KCNJ6: variants seen among roughly 807,000 people sequenced by gnomAD.
KCNJ6 encodes the protein G protein-activated inward rectifier potassium channel 2.
In KCNJ6, 9 loss-of-function variants were observed where a neutral mutation model predicts 34.2. The ratio of observed to expected loss-of-function variants is 0.26; its 90% confidence interval spans 0.16 to 0.46. KCNJ6 has a LOEUF of 0.46. KCNJ6 is among the 20% of genes least tolerant of loss of function. KCNJ6 has a pLI of 1.00. For synonymous variants in KCNJ6, 196 were observed against 207.1 expected, an observed-to-expected ratio of 0.95 and a Z score of 0.46; for missense variants, 236 against 531.3, an observed-to-expected ratio of 0.44 and a Z score of 5.46.
chr21:37,729,285 G>C (rs1261723526), intron 2 of KCNJ6, among the ~76,000 whole-genome samples: 1 of 151,942 alleles, frequency 6.6e-6, no homozygotes, highest in Admixed American at 6.6e-5. Flanking sequence ...ACGTCACTCT[G>C]GGCTGGATAA....
At chr21:37,844,987 G>T (rs1311505870) in intron 1 of KCNJ6, among the ~76,000 whole-genome samples, 1 of 152,122 alleles carries the variant, frequency 6.6e-6, no homozygotes, top group Non-Finnish European at 1.5e-5. Flanking sequence ...CTAGGAACCT[G>T]GACAAGTCAT....
At chr21:37,878,683 C>T (rs2055691242) in intron 1 of KCNJ6, among the ~76,000 whole-genome samples, 1 of 152,168 alleles carries the variant, frequency 6.6e-6, no homozygotes, top group African/African-American at 2.4e-5. Flanking sequence ...GATCAAGGTA[C>T]CAAATGTGTC....
chr21:37,795,106 T>C (rs2055234960), intron 2 of KCNJ6, among the ~76,000 whole-genome samples: 1 of 152,180 alleles, frequency 6.6e-6, no homozygotes, highest in East Asian at 1.9e-4. Flanking sequence ...TGTATATTCA[T>C]AATACAGATA....
intron 3 of KCNJ6, among the ~76,000 whole-genome samples, chr21:37,709,089 T>C (rs76048449): frequency 4.8e-4 from 73 of 152,348 alleles, no homozygotes; most frequent in African/African-American, 1.6e-3. Context: ...TTAAAATTCA[T>C]GTCAATGTCT....
At chr21:37,830,146 C>A (rs1419364478) in intron 2 of KCNJ6, among the ~76,000 whole-genome samples, 1 of 152,164 alleles carries the variant, frequency 6.6e-6, no homozygotes, top group Admixed American at 6.5e-5. Context: ...TCAATCAGAT[C>A]ATCAATTAAA....
chr21:37,684,182 G>A (rs2054602873), intron 3 of KCNJ6, among the ~76,000 whole-genome samples: 1 of 152,144 alleles, frequency 6.6e-6, no homozygotes, highest in African/African-American at 2.4e-5. Flanking sequence ...GGTGTTGGCA[G>A]GGTTGGTTCC....
At chr21:37,863,766 T>C (rs1019946487) in intron 1 of KCNJ6, among the ~76,000 whole-genome samples, 1 of 150,684 alleles carries the variant, frequency 6.6e-6, no homozygotes, top group African/African-American at 2.4e-5. Context: ...CTGTAACTCT[T>C]GTAAGAAAAA....
At chr21:37,693,446 C>G (rs534843212) in intron 3 of KCNJ6, among the ~76,000 whole-genome samples, 45 of 152,230 alleles carry the variant, frequency 3.0e-4, no homozygotes, top group Admixed American at 1.8e-3. Flanking sequence ...GGAGGAGAAC[C>G]AGGAAATCAA....
At chr21:37,776,120 A>G (rs2123507591) in intron 2 of KCNJ6, among the ~76,000 whole-genome samples, 1 of 152,266 alleles carries the variant, frequency 6.6e-6, no homozygotes, top group South Asian at 2.1e-4. Flanking sequence ...GCAATTGTGA[A>G]TGGGAGTTCA....
At chr21:37,685,270 G>A (rs569639476) in intron 3 of KCNJ6, among the ~76,000 whole-genome samples, 66 of 152,170 alleles carry the variant, frequency 4.3e-4, no homozygotes, top group African/African-American at 1.3e-3. Flanking sequence ...AGACAAAGGC[G>A]TGCCTGTCTC....
intron 3 of KCNJ6, among the ~76,000 whole-genome samples, chr21:37,689,620 T>C (rs1380766047): frequency 6.6e-6 from 1 of 152,078 alleles, no homozygotes; most frequent in African/African-American, 2.4e-5. Flanking sequence ...TTCCTTCCTC[T>C]CTCCATTCAT....
chr21:37,616,614 T>TATAC lies in KCNJ6; in HGVS notation c.*8544_*8545insGTAT, dbSNP rs796724287. The TATAC allele has an allele frequency of 1.6e-5, 2 of 122,746 alleles. No homozygotes were observed. The highest frequency in any genetic ancestry group is 3.4e-5 in the Non-Finnish European group (2 of 59,572). 7.6% of individuals were successfully genotyped at this position (122,746 alleles called of 1,614,324 possible). A position where few individuals can be genotyped will look rare whatever the true frequency, so the allele number is the denominator to read the frequency against. On this transcript the variant is annotated 3_prime_UTR_variant, in exon 4 of 4. Coordinates refer to ENST00000609713, the MANE Select transcript of KCNJ6 (RefSeq NM_002240.5). ...ACATATATATATATATATATATATA[T>TATAC]ATGGTTAGACTCTGAACATATACGC... is the stretch of plus-strand genomic sequence containing the variant.
intron 2 of KCNJ6, among the ~76,000 whole-genome samples, chr21:37,778,149 T>C (rs140860315): frequency 1.9e-4 from 29 of 152,320 alleles, no homozygotes; most frequent in African/African-American, 7.0e-4. Flanking sequence ...GAGTTTTTTA[T>C]TTGAGCAGAA....
chr21:37,709,392 T>A (rs1245837740), intron 3 of KCNJ6, among the ~76,000 whole-genome samples: 1 of 152,018 alleles, frequency 6.6e-6, no homozygotes, highest in East Asian at 1.9e-4. Context: ...TGCATGCCTG[T>A]AATCCCAGCT....
chr21:37,905,872 C>T (rs1053200338), intron 1 of KCNJ6, among the ~76,000 whole-genome samples: 12 of 152,114 alleles, frequency 7.9e-5, no homozygotes, highest in East Asian at 1.9e-4. Flanking sequence ...AGCTATGAAG[C>T]GCCAATTTCT....
chr21:37,753,979 G>A (rs78638355), intron 2 of KCNJ6, among the ~76,000 whole-genome samples: 3 of 152,206 alleles, frequency 2.0e-5, no homozygotes, highest in African/African-American at 7.2e-5. Flanking sequence ...AGAGCACGGG[G>A]TGCCTTCCTT....
chr21:37,816,466 T>C (rs1011669625), intron 2 of KCNJ6, among the ~76,000 whole-genome samples: 1 of 152,262 alleles, frequency 6.6e-6, no homozygotes, highest in Non-Finnish European at 1.5e-5. Flanking sequence ...ATCACACATT[T>C]ACAAACGAAC....
chr21:37,752,745 G>A (rs1259959685), intron 2 of KCNJ6, among the ~76,000 whole-genome samples: 1 of 152,128 alleles, frequency 6.6e-6, no homozygotes, highest in African/African-American at 2.4e-5. Context: ...AGTTCTTCCT[G>A]CAACCCTGAG....
intron 2 of KCNJ6, among the ~76,000 whole-genome samples, chr21:37,839,587 C>G (rs1430326807): frequency 2.6e-5 from 4 of 152,044 alleles, no homozygotes; most frequent in Admixed American, 6.5e-5. Flanking sequence ...TTTTGCAGGC[C>G]AAATTTAATA....
Sources: gnomAD v4.1 joint callset for allele counts (sites outside exome capture counted in the v4.1 genomes callset) on GRCh38, gnomAD v4.1.1 for gene constraint, MANE v1.5 for transcripts, NCBI Gene and HGNC (gene_info 2026-07-23, HGNC 2026-07-21) for gene names.